RALGPS1: variants seen among roughly 807,000 people sequenced by gnomAD.
The protein encoded by RALGPS1 is Ral GEF with PH domain and SH3 binding motif 1, also known as ras-specific guanine nucleotide-releasing factor RalGPS1.
RALGPS1 carries 19 observed loss-of-function variants against 78.8 expected under a neutral mutation model. That is an observed-to-expected ratio of 0.24 (90% confidence interval 0.17 to 0.35). RALGPS1 has a LOEUF of 0.35. Ranked by LOEUF, RALGPS1 falls within the 10% of genes least tolerant of loss-of-function variation. The pLI is 1.00. For synonymous variants in RALGPS1, 228 were observed against 256.3 expected (o/e 0.89, Z 1.06); for missense variants, 454 against 688.3 (o/e 0.66, Z 3.81).
At chr9:127,092,014 T>C in intron 8 of RALGPS1, 2 of 1,564,754 alleles carry the variant, frequency 1.3e-6, no homozygotes, top group South Asian at 2.4e-5. Context: ...TGTCAGACAC[T>C]CAGCCCTGGA....
At chr9:126,954,705 G>A (rs1163941921) in intron 1 of RALGPS1, among the ~76,000 whole-genome samples, 3 of 152,210 alleles carry the variant, frequency 2.0e-5, no homozygotes, top group African/African-American at 7.2e-5. Flanking sequence ...GAGGGGCTGA[G>A]GCAGGAGAAT....
chr9:127,139,114 A>C (rs1316683554), intron 8 of RALGPS1, among the ~76,000 whole-genome samples: 1 of 152,190 alleles, frequency 6.6e-6, no homozygotes, highest in Non-Finnish European at 1.5e-5. Context: ...GACAGACCTC[A>C]GGGCCAACAG....
chr9:127,157,290 T>C (rs2058753422), intron 8 of RALGPS1, among the ~76,000 whole-genome samples: 1 of 152,112 alleles, frequency 6.6e-6, no homozygotes, highest in Non-Finnish European at 1.5e-5. Context: ...ATTATATATT[T>C]CCTTACTTAT....
intron 18 of RALGPS1, chr9:127,217,412 TAAGA>T: frequency 1.0e-6 from 1 of 989,170 alleles, no homozygotes; most frequent in Non-Finnish European, 1.2e-6. Flanking sequence ...CAGGAGGGTG[TAAGA>T]AAGAGTGTGA....
chr9:127,206,690 G>T (rs1472995351), intron 14 of RALGPS1, among the ~76,000 whole-genome samples: 3 of 152,086 alleles, frequency 2.0e-5, no homozygotes, highest in Non-Finnish European at 4.4e-5. Context: ...GATTACCAAG[G>T]CCTCAACATA....
At chr9:127,096,432 C>G (rs1035438651) in intron 8 of RALGPS1, among the ~76,000 whole-genome samples, 21 of 152,164 alleles carry the variant, frequency 1.4e-4, no homozygotes, top group Admixed American at 3.9e-4. Flanking sequence ...AGCGAGCAGC[C>G]CAGCCTCTTA....
chr9:127,000,535 T>C (rs964146176), intron 4 of RALGPS1, among the ~76,000 whole-genome samples: 2 of 11,038 alleles, frequency 1.8e-4, no homozygotes, highest in African/African-American at 5.1e-4. Flanking sequence ...TTGTCTTGTC[T>C]TTTTTTTTTT....
intron 8 of RALGPS1, among the ~76,000 whole-genome samples, chr9:127,086,543 T>TA (rs1344779324): frequency 6.6e-6 from 1 of 152,360 alleles, no homozygotes; most frequent in African/African-American, 2.4e-5. Context: ...AGTTTTCTGT[T>TA]ACAGGATTTG....
intron 8 of RALGPS1, among the ~76,000 whole-genome samples, chr9:127,153,235 G>C (rs1429222568): frequency 6.6e-6 from 1 of 152,118 alleles, no homozygotes; most frequent in Non-Finnish European, 1.5e-5. Flanking sequence ...GCCAGGGCAG[G>C]GGGAGAGCAG....
chr9:127,214,629 C>T, intron 17 of RALGPS1, 122 bp from the exon 18 acceptor site: 1 of 1,439,400 alleles, frequency 6.9e-7, no homozygotes, highest in Non-Finnish European at 9.1e-7. Flanking sequence ...CTGCATGTTC[C>T]AGCTCACCTG....
chr9:126,977,116 C>T (rs1453931696), intron 3 of RALGPS1, among the ~76,000 whole-genome samples: 1 of 152,188 alleles, frequency 6.6e-6, no homozygotes, highest in African/African-American at 2.4e-5. Flanking sequence ...CTCTCAGCTT[C>T]TGTACTTCTC....
intron 18 of RALGPS1, among the ~76,000 whole-genome samples, chr9:127,215,827 A>G (rs1044130421): frequency 7.2e-5 from 11 of 152,202 alleles, no homozygotes; most frequent in Admixed American, 7.2e-4. Context: ...CTAAGTGTCC[A>G]TGTGTGTTTT....
chr9:126,989,740 T>C (rs963651961), intron 4 of RALGPS1, among the ~76,000 whole-genome samples: 1 of 152,184 alleles, frequency 6.6e-6, no homozygotes, highest in African/African-American at 2.4e-5. Flanking sequence ...AGAAATGTTT[T>C]GGGACAAAGG....
At chr9:126,990,206 A>G (rs1276963646) in intron 4 of RALGPS1, 4 of 586,320 alleles carry the variant, frequency 6.8e-6, no homozygotes, top group Non-Finnish European at 1.2e-5. Flanking sequence ...ACATCATTAA[A>G]ACCCCTCTCT....
chr9:127,026,551 G>A (rs2045977840), intron 4 of RALGPS1, among the ~76,000 whole-genome samples: 1 of 152,086 alleles, frequency 6.6e-6, no homozygotes, highest in Non-Finnish European at 1.5e-5. Flanking sequence ...TTTACAAAAT[G>A]TTTTTTCAGT....
intron 9 of RALGPS1, 36 bp from the exon 10 acceptor site, chr9:127,168,643 A>G (rs2059411401): frequency 7.0e-7 from 1 of 1,436,828 alleles, no homozygotes; most frequent in African/African-American, 1.4e-5. Flanking sequence ...AAGATGGGAG[A>G]GCCTAAAGTT....
chr9:127,121,344 C>T (rs913420959), intron 8 of RALGPS1, among the ~76,000 whole-genome samples: 1 of 152,222 alleles, frequency 6.6e-6, no homozygotes, highest in Non-Finnish European at 1.5e-5. Context: ...TTGAAGCCAG[C>T]TCATGAGGAC....
chr9:127,058,722 G>A (rs1156865402), intron 7 of RALGPS1, among the ~76,000 whole-genome samples: 1 of 152,154 alleles, frequency 6.6e-6, no homozygotes, highest in African/African-American at 2.4e-5. Context: ...ATATGGATGA[G>A]TCACTCATTA....
chr9:127,113,274 A>C (rs2137314285), intron 8 of RALGPS1, among the ~76,000 whole-genome samples: 1 of 152,258 alleles, frequency 6.6e-6, no homozygotes, highest in Non-Finnish European at 1.5e-5. Context: ...AAGGTGACTG[A>C]GCCTAGGACT....
Sources: allele counts gnomAD v4.1 joint callset (sites outside exome capture counted in the v4.1 genomes callset), GRCh38; gene constraint gnomAD v4.1.1; transcripts MANE v1.5; gene names NCBI Gene and HGNC (gene_info 2026-07-23, HGNC 2026-07-21).